The following NMNAT2 variants were observed in gnomAD, a reference collection of about 807,000 sequenced individuals.
NMNAT2 encodes the protein nicotinamide/nicotinic acid mononucleotide adenylyltransferase 2.
Under a neutral mutation model 41.6 loss-of-function variants are expected in NMNAT2, and 11 were observed. The observed-to-expected ratio is 0.26, with a 90% CI of 0.17 to 0.44. The LOEUF (loss-of-function observed/expected upper bound fraction) is 0.44, where lower values mean the gene tolerates loss of function less well. NMNAT2 is among the 20% of genes least tolerant of loss of function. NMNAT2 has a pLI of 1.00. For synonymous variants in NMNAT2, 148 were observed against 151.2 expected (o/e 0.98, Z 0.16); for missense variants, 288 against 407.7 (o/e 0.71, Z 2.53).
chr1:183,317,331 A>G (rs1662274923), intron 1 of NMNAT2, among the ~76,000 whole-genome samples: 2 of 152,226 alleles, frequency 1.3e-5, no homozygotes, highest in Non-Finnish European at 2.9e-5. Context: ...GCTGAAGTAC[A>G]GTGGCTACCT....
chr1:183,390,240 C>T (rs546423576), intron 1 of NMNAT2, among the ~76,000 whole-genome samples: 2 of 152,256 alleles, frequency 1.3e-5, no homozygotes, highest in South Asian at 2.1e-4. Flanking sequence ...TACCAGTCAG[C>T]CTTGGAAAAT....
intron 1 of NMNAT2, among the ~76,000 whole-genome samples, chr1:183,329,530 A>G (rs939335067): frequency 2.0e-5 from 3 of 152,056 alleles, no homozygotes; most frequent in Non-Finnish European, 2.9e-5. Flanking sequence ...GCTTTTAGCA[A>G]TTTCTTACTG....
intron 1 of NMNAT2, among the ~76,000 whole-genome samples, chr1:183,398,049 C>G (rs1482408244): frequency 1.3e-5 from 2 of 152,164 alleles, no homozygotes; most frequent in Non-Finnish European, 2.9e-5. Flanking sequence ...GGATCAAATT[C>G]ACACATAACA....
rs1487567338 is a variant in NMNAT2 at position 183,248,971 on chromosome 1, G to T, written c.*3670C>A. The T allele has an allele frequency of 6.6e-6, 1 of 150,634 alleles. No individual in the cohort carries two copies. The highest frequency in any genetic ancestry group is 2.0e-4 in the East Asian group (1 of 5,082). 9.3% of individuals were successfully genotyped at this position (150,634 alleles called of 1,614,324 possible). On this transcript the variant is annotated 3_prime_UTR_variant, in exon 11 of 11. Coordinates refer to ENST00000287713, the MANE Select transcript of NMNAT2 (RefSeq NM_015039.4). ...AGTAGAATTGGGCTGGTAAGTACAA[G>T]TTTTTTCTCCCTGTAATTCTCTGCC...
At chr1:183,345,825 T>A (rs1662916453) in intron 1 of NMNAT2, among the ~76,000 whole-genome samples, 1 of 152,014 alleles carries the variant, frequency 6.6e-6, no homozygotes. Context: ...TAGCTGGGAC[T>A]ACAGGCACCC....
chr1:183,393,274 A>T (rs1254496110), intron 1 of NMNAT2, among the ~76,000 whole-genome samples: 1 of 152,204 alleles, frequency 6.6e-6, no homozygotes, highest in Non-Finnish European at 1.5e-5. Context: ...TTATACAGTC[A>T]TATTTCAACC....
intron 1 of NMNAT2, among the ~76,000 whole-genome samples, chr1:183,403,048 C>T (rs1313542349): frequency 6.6e-6 from 1 of 151,712 alleles, no homozygotes; most frequent in Non-Finnish European, 1.5e-5. Context: ...ATTGTCCTGC[C>T]TCAGCCTCCT....
intron 1 of NMNAT2, among the ~76,000 whole-genome samples, chr1:183,310,982 C>A (rs1302238227): frequency 6.6e-6 from 1 of 152,164 alleles, no homozygotes; most frequent in African/African-American, 2.4e-5. Flanking sequence ...AAAGGGATTT[C>A]CCAGCTACCC....
At chr1:183,393,148 T>A (rs757169518) in intron 1 of NMNAT2, among the ~76,000 whole-genome samples, 3 of 152,210 alleles carry the variant, frequency 2.0e-5, no homozygotes, top group South Asian at 2.1e-4. Context: ...GGAAGATAAA[T>A]TCCTTCTCAG....
chr1:183,274,473 G>A (rs543089120), intron 8 of NMNAT2, among the ~76,000 whole-genome samples: 23 of 151,032 alleles, frequency 1.5e-4, no homozygotes, highest in Non-Finnish European at 2.5e-4. Flanking sequence ...CACCATGCCC[G>A]GCTAATTTTT....
intron 4 of NMNAT2, among the ~76,000 whole-genome samples, chr1:183,289,273 G>T (rs1437727945): frequency 4.6e-5 from 7 of 152,220 alleles, no homozygotes; most frequent in African/African-American, 1.7e-4. Flanking sequence ...TTGACTGTTT[G>T]CTGTCTTGGT....
chr1:183,270,160 A>G (rs1361564101), intron 8 of NMNAT2, among the ~76,000 whole-genome samples: 1 of 152,218 alleles, frequency 6.6e-6, no homozygotes, highest in Non-Finnish European at 1.5e-5. Context: ...CTGGGATTAC[A>G]GTAGTGAGCC....
intron 1 of NMNAT2, among the ~76,000 whole-genome samples, chr1:183,344,881 C>T (rs1307497328): frequency 6.6e-6 from 1 of 152,142 alleles, no homozygotes; most frequent in Admixed American, 6.5e-5. Flanking sequence ...TTAGATTGAG[C>T]ACAAACCAGT....
At chr1:183,334,324 T>C (rs1158349807) in intron 1 of NMNAT2, among the ~76,000 whole-genome samples, 6 of 151,140 alleles carry the variant, frequency 4.0e-5, no homozygotes, top group Admixed American at 4.0e-4. Flanking sequence ...GCCTCAGCCT[T>C]CCAAAGCGCT....
At chr1:183,305,889 T>C (rs893519650) in intron 1 of NMNAT2, among the ~76,000 whole-genome samples, 1 of 152,080 alleles carries the variant, frequency 6.6e-6, no homozygotes, top group Admixed American at 6.5e-5. Flanking sequence ...CCCGGCCAAT[T>C]TTTTGTATTT....
chr1:183,278,784 G>C (rs1661190233), intron 7 of NMNAT2, 155 bp from the exon 8 acceptor site: 1 of 625,518 alleles, frequency 1.6e-6, no homozygotes, highest in Non-Finnish European at 3.0e-6. Context: ...AGTGTGTGCA[G>C]AGCAGAAACC....
intron 1 of NMNAT2, among the ~76,000 whole-genome samples, chr1:183,343,904 C>T (rs1571610146): frequency 1.3e-5 from 2 of 152,160 alleles, no homozygotes. Context: ...TCCTGCTGGC[C>T]CCTAACTCCA....
chr1:183,264,129 T>C (rs573678150), intron 8 of NMNAT2, among the ~76,000 whole-genome samples: 1 of 152,294 alleles, frequency 6.6e-6, no homozygotes, highest in South Asian at 2.1e-4. Context: ...GATTGCATAA[T>C]GTAGGATCTG....
chr1:183,294,353 A>G (rs954887115), intron 1 of NMNAT2, among the ~76,000 whole-genome samples: 3 of 152,170 alleles, frequency 2.0e-5, no homozygotes, highest in Non-Finnish European at 4.4e-5. Context: ...GCCAGATAAA[A>G]GCCTTTTATC....
Sources: gnomAD v4.1 joint callset for allele counts (sites outside exome capture counted in the v4.1 genomes callset) on GRCh38, gnomAD v4.1.1 for gene constraint, MANE v1.5 for transcripts, NCBI Gene and HGNC (gene_info 2026-07-23, HGNC 2026-07-21) for gene names.